The following ARMH3 variants were observed in gnomAD, a reference collection of about 807,000 sequenced individuals.
ARMH3 encodes armadillo-like helical domain-containing protein 3.
Under a neutral mutation model 99.1 loss-of-function variants are expected in ARMH3, and 60 were observed. That is an observed-to-expected ratio of 0.61 (90% confidence interval 0.49 to 0.75). The LOEUF is 0.75. Ranked by LOEUF, ARMH3 falls within the 30% of genes least tolerant of loss-of-function variation. The probability of loss-of-function intolerance (pLI) is 0.00; values close to 1 mark genes in which losing one functional copy is unlikely to be tolerated. For synonymous variants in ARMH3, 285 were observed against 292.8 expected, an observed-to-expected ratio of 0.97 and a Z score of 0.27; for missense variants, 679 against 843.1, an observed-to-expected ratio of 0.81 and a Z score of 2.41.
In ARMH3 at chr10:102,002,049, G is replaced by C; in HGVS notation, c.1072C>G (p.Leu358Val). Residue 358 changes from leucine (L) to valine (V), a missense_variant, in exon 15 of 26, where the codon CTG (leucine) becomes GTG (valine). Leu to Val is a conservative substitution (Grantham distance 32, BLOSUM62 1). Coordinates refer to ENST00000370033, the MANE Select transcript of ARMH3 (RefSeq NM_024541.3). The part of the protein sequence containing the change: ...SDVISSVELP[L>V]DADVQTSNLL... ...TTACTGGTCTGTACATCTGCATCCA[G>C]TGGGAGTTCCACAGAACTTATAACT... The C allele has an allele frequency of 6.2e-7, 1 of 1,614,126 alleles. No individual in the cohort carries two copies. The highest frequency in any genetic ancestry group is 8.5e-7 in the Non-Finnish European group (1 of 1,180,024).
intron 20 of ARMH3, among the ~76,000 whole-genome samples, chr10:101,960,081 G>A (rs893446876): frequency 6.6e-6 from 1 of 152,142 alleles, no homozygotes; most frequent in African/African-American, 2.4e-5. Context: ...GAGAGGCTGA[G>A]GCAGAAGAAT....
At chr10:101,883,154 C>T (rs370597279) in intron 24 of ARMH3, among the ~76,000 whole-genome samples, 15 of 152,114 alleles carry the variant, frequency 9.9e-5, no homozygotes, top group African/African-American at 2.2e-4. Context: ...GTGGCTCACA[C>T]CTATAATACC....
intron 23 of ARMH3, among the ~76,000 whole-genome samples, chr10:101,915,561 T>A (rs1590016069): frequency 6.6e-6 from 1 of 152,280 alleles, no homozygotes; most frequent in East Asian, 1.9e-4. Context: ...AAACACTGTA[T>A]ACACACAGTT....
In ARMH3 at chr10:102,033,081, T is replaced by G; in HGVS notation, c.251A>C (p.His84Pro). ...IKDNINCLFQ[H>P]CIQALGEEHP... ...CTCCTCTCCCAGAGCCTGGATGCAG[T>G]GTTGGAATAAGCAATTAATATTGTC... Residue 84 changes from histidine to proline, a missense_variant, in exon 4 of 26, where the codon CAC becomes CCC. His to Pro is a moderately conservative substitution (Grantham distance 77). Transcript: ENST00000370033. The G allele has an allele frequency of 3.1e-6, 5 of 1,614,196 alleles. No individual in the cohort carries two copies. Among genetic ancestry groups the G allele is most frequent in the Non-Finnish European group, 4.2e-6 (5 of 1,180,032 alleles).
chr10:101,968,192 T>C (rs1845619489), intron 20 of ARMH3, among the ~76,000 whole-genome samples: 1 of 152,122 alleles, frequency 6.6e-6, no homozygotes, highest in Non-Finnish European at 1.5e-5. Flanking sequence ...TTGGGAAATG[T>C]AGGGTCCCTG....
intron 22 of ARMH3, among the ~76,000 whole-genome samples, chr10:101,940,343 T>C (rs776811003): frequency 6.6e-5 from 10 of 152,196 alleles, no homozygotes; most frequent in Non-Finnish European, 1.3e-4. Context: ...GCTGGCTTAG[T>C]TGATGTCCCT....
chr10:101,926,961 T>TA (rs1843532427), intron 23 of ARMH3, among the ~76,000 whole-genome samples: 1 of 152,136 alleles, frequency 6.6e-6, no homozygotes, highest in Non-Finnish European at 1.5e-5. Flanking sequence ...ATATAGACTC[T>TA]AGCCCCTTCT....
chr10:101,907,749 T>C (rs1443583056), intron 23 of ARMH3, among the ~76,000 whole-genome samples: 2 of 152,238 alleles, frequency 1.3e-5, no homozygotes, highest in Non-Finnish European at 2.9e-5. Flanking sequence ...GAATCTATTA[T>C]ACTACCAGAG....
intron 24 of ARMH3, among the ~76,000 whole-genome samples, chr10:101,853,050 A>ATTTTTTT (rs747143889): frequency 8.2e-4 from 106 of 129,538 alleles, no homozygotes; most frequent in Middle Eastern, 4.1e-3. Flanking sequence ...TGCTTGGCTA[A>ATTTTTTT]TTTTTTTTTT....
intron 23 of ARMH3, among the ~76,000 whole-genome samples, chr10:101,922,872 G>C (rs1165037571): frequency 6.6e-6 from 1 of 152,122 alleles, no homozygotes; most frequent in Non-Finnish European, 1.5e-5. Flanking sequence ...GGAACCAACT[G>C]TCTTTGGAGC....
chr10:102,023,332 A>G, intron 8 of ARMH3, 145 bp downstream of exon 8: 1 of 730,264 alleles, frequency 1.4e-6, no homozygotes, highest in East Asian at 2.7e-5. Context: ...CATTTAATAT[A>G]GGATTTTTAG....
intron 17 of ARMH3, among the ~76,000 whole-genome samples, chr10:101,993,063 G>C (rs768481703): frequency 3.3e-5 from 5 of 151,938 alleles, no homozygotes; most frequent in Non-Finnish European, 7.4e-5. Flanking sequence ...CTGAGGTCAG[G>C]AGCTGGAGAC....
intron 19 of ARMH3, among the ~76,000 whole-genome samples, chr10:101,976,908 C>T (rs1846037764): frequency 1.3e-5 from 2 of 152,154 alleles, no homozygotes; most frequent in Non-Finnish European, 2.9e-5. Flanking sequence ...CTGCCTTGAC[C>T]TCCCCAAGTT....
intron 20 of ARMH3, among the ~76,000 whole-genome samples, chr10:101,964,927 C>G (rs1845468495): frequency 6.6e-6 from 1 of 151,862 alleles, no homozygotes; most frequent in South Asian, 2.1e-4. Context: ...GCAGGAGAAT[C>G]ACTTGAACCC....
rs1338686053 is a variant in ARMH3 at position 101,868,243 on chromosome 10, A to T, written c.1861-18351T>A. On this transcript the variant is annotated intron_variant, in intron 24 of 25. Transcript: ENST00000370033. Reference sequence around the variant, plus strand: ...ACCAGTGCCAGACAATAGGAAGAAGACATAGAAGAAGCAGAGCCAAGAAAC... The same window carrying T: ...ACCAGTGCCAGACAATAGGAAGAAGTCATAGAAGAAGCAGAGCCAAGAAAC... 2.0e-5 allele frequency among the ~76,000 whole-genome samples: 3 copies of T among 152,236 alleles called. 1 individual carries two copies. The highest frequency in any genetic ancestry group is 1.3e-4 in the Admixed American group (2 of 15,286).
chr10:101,869,675 G>A (rs573007125), intron 24 of ARMH3, among the ~76,000 whole-genome samples: 1 of 152,252 alleles, frequency 6.6e-6, no homozygotes, highest in South Asian at 2.1e-4. Context: ...AAATTAGAAA[G>A]AGAGCAAATT....
chr10:101,904,438 T>C (rs1461483316), intron 23 of ARMH3, among the ~76,000 whole-genome samples: 2 of 152,056 alleles, frequency 1.3e-5, no homozygotes, highest in African/African-American at 4.8e-5. Flanking sequence ...AAATCCCTTA[T>C]AATTCAGTGA....
At chr10:101,871,526 AT>A (rs923519685) in intron 24 of ARMH3, among the ~76,000 whole-genome samples, 1 of 151,736 alleles carries the variant, frequency 6.6e-6, no homozygotes, top group Non-Finnish European at 1.5e-5. Flanking sequence ...TGTTCAATTG[AT>A]TTTTTTTTAC....
chr10:102,030,897 T>C (rs1357254532), intron 4 of ARMH3, among the ~76,000 whole-genome samples: 8 of 152,062 alleles, frequency 5.3e-5, no homozygotes, highest in South Asian at 2.1e-4. Flanking sequence ...GTGATTCCCA[T>C]GCTTCGGTCT....
Sources: gnomAD v4.1 joint callset for allele counts (sites outside exome capture counted in the v4.1 genomes callset) on GRCh38, gnomAD v4.1.1 for gene constraint, MANE v1.5 for transcripts, NCBI Gene and HGNC (gene_info 2026-07-23, HGNC 2026-07-21) for gene names.